Variants in LAMA2 observed in about 807,000 individuals in gnomAD.
LAMA2 encodes laminin subunit alpha-2.
A neutral mutation model predicts 364.8 loss-of-function variants in LAMA2; 269 were observed. The ratio of observed to expected loss-of-function variants is 0.74; its 90% CI spans 0.67 to 0.82. The LOEUF (loss-of-function observed/expected upper bound fraction) is 0.82, where lower values mean the gene tolerates loss of function less well. LAMA2 is among the 40% of genes least tolerant of loss of function. The pLI, the probability that LAMA2 is intolerant of heterozygous loss-of-function variation, is 0.00. For synonymous variants in LAMA2, 1,379 were observed against 1,370.6 expected (o/e 1.01, Z -0.14); for missense variants, 3,807 against 3,873.2 (o/e 0.98, Z 0.45).
intron 1 of LAMA2, among the ~76,000 whole-genome samples, chr6:128,913,010 G>A (rs750533096): frequency 2.0e-5 from 3 of 152,122 alleles, no homozygotes; most frequent in African/African-American, 7.2e-5. Flanking sequence ...ACAGGATTAA[G>A]GGACTGGAAT....
chr6:129,494,723 C>T (rs1323801727), intron 58 of LAMA2, among the ~76,000 whole-genome samples: 1 of 152,156 alleles, frequency 6.6e-6, no homozygotes, highest in Non-Finnish European at 1.5e-5. Context: ...CTAAAGCATT[C>T]CTGAGATCTG....
In LAMA2 at chr6:129,312,913, C is replaced by T. The variant is rs1331155123; in HGVS notation, c.3227C>T (p.Thr1076Ile). Reference sequence around the variant, plus strand: ...TTGGATTTCCAATGCAATGTAAATACAGGCCAATGCAACTGTCATCCAAAA... The same window carrying T: ...TTGGATTTCCAATGCAATGTAAATATAGGCCAATGCAACTGTCATCCAAAA... The part of the protein sequence containing the change: ...GSLDFQCNVN[T>I]GQCNCHPKFS... Residue 1076 changes from threonine (T) to isoleucine (I), a missense_variant, in exon 23 of 65, where the codon ACA (threonine) becomes ATA (isoleucine). Coordinates refer to ENST00000421865, the MANE Select transcript of LAMA2 (RefSeq NM_000426.4). The T allele has an allele frequency of 3.7e-6, 6 of 1,614,098 alleles. No homozygotes were observed. The highest frequency in any genetic ancestry group is 5.1e-6 in the Non-Finnish European group (6 of 1,180,000).
chr6:129,172,054 G>A (rs1364490535), intron 9 of LAMA2, among the ~76,000 whole-genome samples: 2 of 141,804 alleles, frequency 1.4e-5, no homozygotes, highest in African/African-American at 5.4e-5. Context: ...CTCTGTATTG[G>A]TTATTCTAGT....
chr6:129,041,329 G>A (rs1456967631), intron 1 of LAMA2, among the ~76,000 whole-genome samples: 2 of 152,144 alleles, frequency 1.3e-5, no homozygotes, highest in Non-Finnish European at 2.9e-5. Context: ...TCATTTATAT[G>A]AGATTAAAGA....
intron 1 of LAMA2, among the ~76,000 whole-genome samples, chr6:128,938,188 C>T (rs893233245): frequency 2.6e-5 from 4 of 152,012 alleles, no homozygotes; most frequent in African/African-American, 7.2e-5. Flanking sequence ...CTCTCAGTGC[C>T]TCAGTCCCCT....
intron 20 of LAMA2, among the ~76,000 whole-genome samples, chr6:129,294,220 C>T (rs1477875595): frequency 1.3e-5 from 2 of 152,186 alleles, no homozygotes; most frequent in Non-Finnish European, 1.5e-5. Flanking sequence ...ATTTTACCCA[C>T]TAAAGGAATC....
At chr6:129,304,364 C>T (rs959502947) in intron 22 of LAMA2, among the ~76,000 whole-genome samples, 38 of 152,158 alleles carry the variant, frequency 2.5e-4, no homozygotes, top group Admixed American at 1.8e-3. Context: ...CCCGGGTTCA[C>T]GCCATTCTCC....
At chr6:129,242,705 GA>G (rs1268291533) in intron 12 of LAMA2, among the ~76,000 whole-genome samples, 3 of 152,084 alleles carry the variant, frequency 2.0e-5, no homozygotes, top group Admixed American at 6.6e-5. Context: ...TTAGTAAATG[GA>G]AAACAAACAG....
chr6:129,457,297 T>G (rs1783018870), intron 48 of LAMA2, among the ~76,000 whole-genome samples: 1 of 152,158 alleles, frequency 6.6e-6, no homozygotes, highest in Non-Finnish European at 1.5e-5. Flanking sequence ...AACCACACGC[T>G]GAAGTTATCC....
rs1466184922 is a variant in LAMA2, at chr6:129,177,095, A to G, written c.1307-611A>G. On this transcript the variant is annotated intron_variant, in intron 9 of 64. Transcript: ENST00000421865. ...TTCTATTTTTTAATCAAAGACATGA[A>G]TAAACATTGTGTTTTGTATTTCTGT... 2.0e-5 allele frequency among the ~76,000 whole-genome samples: 3 copies of G among 152,166 alleles called. No homozygotes were observed. In the East Asian group the frequency reaches 5.8e-4, roughly 29 times the overall value.
At chr6:129,143,735 CAT>C (rs1438969854) in intron 4 of LAMA2, among the ~76,000 whole-genome samples, 164 bp from the exon 5 acceptor site, 1 of 151,930 alleles carries the variant, frequency 6.6e-6, no homozygotes. Context: ...AAGACTATAA[CAT>C]ATATCAGTTA....
At chr6:129,157,989 A>G (rs950499585) in intron 8 of LAMA2, 7 of 1,613,846 alleles carry the variant, frequency 4.3e-6, no homozygotes, top group Non-Finnish European at 5.9e-6. Context: ...CAGGTCAGCA[A>G]TGCAGCAACT....
intron 3 of LAMA2, among the ~76,000 whole-genome samples, chr6:129,091,444 A>G (rs891922530): frequency 1.3e-5 from 2 of 152,198 alleles, no homozygotes; most frequent in African/African-American, 4.8e-5. Flanking sequence ...CTGAGGGCAG[A>G]GTATTCCTTT....
intron 20 of LAMA2, among the ~76,000 whole-genome samples, chr6:129,291,928 T>C (rs949498397): frequency 2.0e-5 from 3 of 152,232 alleles, no homozygotes; most frequent in Non-Finnish European, 4.4e-5. Context: ...AACATTTTTT[T>C]TTGGCAGTGA....
At chr6:129,184,339 C>T (rs906540991) in intron 10 of LAMA2, among the ~76,000 whole-genome samples, 21 of 151,858 alleles carry the variant, frequency 1.4e-4, no homozygotes, top group African/African-American at 4.6e-4. Context: ...AAGGTTCATG[C>T]ATGAATGAAT....
At chr6:129,073,274 C>T (rs1773433256) in intron 3 of LAMA2, among the ~76,000 whole-genome samples, 1 of 152,004 alleles carries the variant, frequency 6.6e-6, no homozygotes, top group Non-Finnish European at 1.5e-5. Flanking sequence ...GATCATTTTT[C>T]CTTTCACTCC....
Position 129,510,043 on chromosome 6 carries a change from TTCCTC to T in LAMA2, c.8858-2318_8858-2314del, listed in dbSNP as rs548336665. Among the ~76,000 whole-genome samples, 1,262 of 152,204 alleles carry T rather than the reference TTCCTC, an allele frequency of 8.3e-3. 11 individuals carry two copies. Among genetic ancestry groups the T allele is most frequent in the Non-Finnish European group, 0.014 (943 of 67,944 alleles). ...ATTGTTTTATAGTTTTTATTGTACT[TTCCTC>T]TAAGATCTGGAACACGACAAGGATG... is the stretch of plus-strand genomic sequence containing the variant. On this transcript the variant is annotated intron_variant, in intron 62 of 64. Transcript: ENST00000421865.
chr6:128,995,390 C>T (rs745367056), intron 1 of LAMA2, among the ~76,000 whole-genome samples: 9 of 152,162 alleles, frequency 5.9e-5, no homozygotes, highest in African/African-American at 9.7e-5. Flanking sequence ...GGCACGATCT[C>T]GGCTCACTGC....
intron 37 of LAMA2, among the ~76,000 whole-genome samples, chr6:129,400,911 A>G (rs556350204): frequency 1.3e-5 from 2 of 152,352 alleles, no homozygotes; most frequent in South Asian, 4.1e-4. Flanking sequence ...TTCAGCACTT[A>G]TATTTTAGTT....
Sources: allele counts gnomAD v4.1 joint callset (sites outside exome capture counted in the v4.1 genomes callset), GRCh38; gene constraint gnomAD v4.1.1; transcripts MANE v1.5; gene names NCBI Gene and HGNC (gene_info 2026-07-23, HGNC 2026-07-21).